Variants in DKK3 observed in about 807,000 individuals in gnomAD.
DKK3 encodes dickkopf Wnt signaling pathway inhibitor 3, also known as dickkopf-related protein 3.
A neutral mutation model predicts 33.2 loss-of-function variants in DKK3; 22 were observed. The ratio of observed to expected loss-of-function variants is 0.66; its 90% CI spans 0.47 to 0.95. The LOEUF (loss-of-function observed/expected upper bound fraction) is 0.95. Ranked by LOEUF, DKK3 falls within the 40% of genes least tolerant of loss-of-function variation. The pLI is 0.00. For synonymous variants in DKK3, 194 were observed against 188.8 expected (o/e 1.03, Z -0.23); for missense variants, 398 against 458.4 (o/e 0.87, Z 1.20).
At chr11:11,994,342 C>T (rs369197616) in intron 3 of DKK3, among the ~76,000 whole-genome samples, 3 of 151,868 alleles carry the variant, frequency 2.0e-5, no homozygotes, top group South Asian at 2.1e-4. Context: ...CTGAAGAAAC[C>T]GAGTCACAAA....
intron 3 of DKK3, among the ~76,000 whole-genome samples, chr11:11,968,972 G>A (rs1847664593): frequency 6.6e-6 from 1 of 152,194 alleles, no homozygotes; most frequent in Admixed American, 6.5e-5. Flanking sequence ...CCTGCCCACA[G>A]AGAGCGCCCT....
intron 6 of DKK3, 104 bp downstream of exon 6, chr11:11,965,705 A>T: frequency 2.1e-6 from 3 of 1,410,162 alleles, no homozygotes; most frequent in African/African-American, 2.9e-5. Flanking sequence ...CCTAAAGGGA[A>T]TCTACACCTC....
rs1019219990 is a variant in DKK3, at chr11:11,978,315, T to C, written c.436-9828A>G. 6.6e-5 allele frequency among the ~76,000 whole-genome samples: 10 copies of C among 152,134 alleles called. No homozygotes were observed. The East Asian group carries it at 1.3e-3, about 21-fold the overall frequency. On this transcript the variant is annotated intron_variant, in intron 3 of 6. Transcript: ENST00000683431. ...GGGAGGAGGCTGGGAAGCACTGCCC[T>C]TCCTCCCCGTACCCACTCACGACCC...
chr11:11,983,818 C>A (rs914066527), intron 3 of DKK3, among the ~76,000 whole-genome samples: 2 of 152,264 alleles, frequency 1.3e-5, no homozygotes, highest in Non-Finnish European at 2.9e-5. Context: ...TCCAGACCAA[C>A]CCCCGACCCA....
intron 3 of DKK3, among the ~76,000 whole-genome samples, chr11:11,988,644 A>G (rs1848121172): frequency 6.6e-6 from 1 of 152,214 alleles, no homozygotes; most frequent in Non-Finnish European, 1.5e-5. Context: ...GGGAAGTGGG[A>G]GGCCCCTCAT....
chr11:12,009,252 TGCGGGAGCGGCGCGGTGGGCGGGCC>T (rs908846154), upstream of DKK3: 1 of 984,644 alleles, frequency 1.0e-6, no homozygotes. Context: ...CGGGTGCAGA[TGCGGGAGCGGCGCGGTGGGCGGGCC>T]GCGGGTGCGG....
chr11:12,003,102 C>T (rs1270518048), intron 1 of DKK3, among the ~76,000 whole-genome samples: 1 of 152,242 alleles, frequency 6.6e-6, no homozygotes, highest in Non-Finnish European at 1.5e-5. Context: ...GCAGGCATAC[C>T]GTTGATTGTC....
intron 3 of DKK3, among the ~76,000 whole-genome samples, chr11:11,992,389 AACC>A (rs925404156): frequency 2.6e-5 from 4 of 152,206 alleles, no homozygotes; most frequent in Admixed American, 2.6e-4. Flanking sequence ...CCGAGCTGTT[AACC>A]ACCCCCTCTG....
At chr11:11,973,967 T>A (rs2135013706) in intron 3 of DKK3, among the ~76,000 whole-genome samples, 1 of 152,352 alleles carries the variant, frequency 6.6e-6, no homozygotes, top group African/African-American at 2.4e-5. Context: ...TCATTCCTCA[T>A]ACTGGCTGGG....
At chr11:11,968,093 A>T (rs1847640492) in intron 4 of DKK3, among the ~76,000 whole-genome samples, 1 of 152,132 alleles carries the variant, frequency 6.6e-6, no homozygotes, top group Non-Finnish European at 1.5e-5. Flanking sequence ...CTGGGATTAC[A>T]GGTGTAGCCA....
intron 3 of DKK3, among the ~76,000 whole-genome samples, chr11:11,983,286 G>A (rs1050733457): frequency 6.6e-6 from 1 of 152,204 alleles, no homozygotes; most frequent in East Asian, 1.9e-4. Flanking sequence ...TCAGCACTTG[G>A]AGATAGCACC....
At chr11:11,998,903 C>T (rs747055680) in intron 2 of DKK3, 124 bp from the exon 3 acceptor site, 35 of 788,474 alleles carry the variant, frequency 4.4e-5, no homozygotes, top group Non-Finnish European at 7.1e-5. Context: ...GTCGAAATGC[C>T]CACCCCGCTT....
At chr11:11,975,987 C>T (rs770762819) in intron 3 of DKK3, among the ~76,000 whole-genome samples, 2 of 152,172 alleles carry the variant, frequency 1.3e-5, no homozygotes, top group Non-Finnish European at 2.9e-5. Flanking sequence ...AGTTACTGGA[C>T]AGATTAAAGG....
upstream of DKK3, chr11:12,009,178 T>G: frequency 1.0e-6 from 1 of 983,060 alleles, no homozygotes; most frequent in African/African-American, 1.8e-5. Flanking sequence ...CCACCCCGAC[T>G]GGACCGAGTT....
chr11:11,998,863 T>C (rs1214264594), intron 2 of DKK3, 84 bp from the exon 3 acceptor site: 6 of 1,344,990 alleles, frequency 4.5e-6, no homozygotes, highest in East Asian at 2.3e-5. Context: ...TTGTTTTCCA[T>C]TTTCTGAAGC....
At chr11:11,998,925 TC>T in intron 2 of DKK3, 146 bp from the exon 3 acceptor site, 1 of 686,954 alleles carries the variant, frequency 1.5e-6, no homozygotes, top group Non-Finnish European at 2.5e-6. Context: ...CTTTCTGAGT[TC>T]CCCCAGCAGC....
At chr11:11,987,449 A>G (rs1338137415) in intron 3 of DKK3, among the ~76,000 whole-genome samples, 1 of 152,220 alleles carries the variant, frequency 6.6e-6, no homozygotes, top group Non-Finnish European at 1.5e-5. Flanking sequence ...TCTGTAAAAC[A>G]GGAGGTTTGG....
At chr11:11,972,934 G>C (rs1241078476) in intron 3 of DKK3, among the ~76,000 whole-genome samples, 1 of 149,588 alleles carries the variant, frequency 6.7e-6, no homozygotes, top group African/African-American at 2.5e-5. Context: ...GAGAAGCTGA[G>C]ATCAGAAATA....
intron 2 of DKK3, among the ~76,000 whole-genome samples, chr11:12,000,677 ATT>A (rs34623420): frequency 3.5e-5 from 5 of 141,966 alleles, no homozygotes; most frequent in Non-Finnish European, 4.6e-5. Context: ...GCTAAGGCTA[ATT>A]TTTTTTTTTT....
Sources: allele counts gnomAD v4.1 joint callset (sites outside exome capture counted in the v4.1 genomes callset), GRCh38; gene constraint gnomAD v4.1.1; transcripts MANE v1.5; gene names NCBI Gene and HGNC (gene_info 2026-07-23, HGNC 2026-07-21).